TSPAN11: variants seen among roughly 807,000 people sequenced by gnomAD.
TSPAN11 encodes the protein tetraspanin-11.
TSPAN11 carries 29 observed loss-of-function variants against 32.9 expected under a neutral mutation model. The ratio of observed to expected loss-of-function variants is 0.88; its 90% CI spans 0.66 to 1.20. TSPAN11 has a LOEUF of 1.20. Ranked by LOEUF, TSPAN11 falls within the 50% of genes most tolerant of loss-of-function variation. The pLI is 0.00. For synonymous variants in TSPAN11, 140 were observed against 141.3 expected, an observed-to-expected ratio of 0.99 and a Z score of 0.07; for missense variants, 283 against 329.1, an observed-to-expected ratio of 0.86 and a Z score of 1.08.
chr12:30,971,482 A>G (rs186818664), intron 3 of TSPAN11, among the ~76,000 whole-genome samples: 151 of 152,302 alleles, frequency 9.9e-4, no homozygotes, highest in African/African-American at 3.4e-3. Flanking sequence ...GCTCATGCCT[A>G]TAATCCCAGC....
At chr12:30,977,882 G>A (rs1939008007) in intron 3 of TSPAN11, among the ~76,000 whole-genome samples, 1 of 152,156 alleles carries the variant, frequency 6.6e-6, no homozygotes, top group Non-Finnish European at 1.5e-5. Context: ...ACAGGAAATG[G>A]GCATCAGGGC....
chr12:30,945,860 C>T (rs1938256023), intron 1 of TSPAN11, among the ~76,000 whole-genome samples: 1 of 152,166 alleles, frequency 6.6e-6, no homozygotes, highest in African/African-American at 2.4e-5. Flanking sequence ...CCCCCAGGGC[C>T]TGCTGGCTCC....
rs556211574 is a variant in TSPAN11, at chr12:30,929,757, A to C, written c.-12+2961A>C. On this transcript the variant is annotated intron_variant, in intron 1 of 7. Coordinates refer to ENST00000546076, the MANE Select transcript of TSPAN11 (RefSeq NM_001370302.1). ...AACCTGGCTATATTTACATGTGATGACCCTGATCTGTATTTACAGCAGCCA... is the reference window on the plus strand; with the variant it reads ...AACCTGGCTATATTTACATGTGATGCCCCTGATCTGTATTTACAGCAGCCA... 8.5e-5 allele frequency among the ~76,000 whole-genome samples: 13 copies of C among 152,268 alleles called. No homozygotes were observed. In the East Asian group the frequency reaches 2.5e-3, roughly 29 times the overall value.
chr12:30,967,676 GCACA>G (rs1938761626), intron 3 of TSPAN11, among the ~76,000 whole-genome samples: 2 of 106,272 alleles, frequency 1.9e-5, no homozygotes, highest in Non-Finnish European at 3.9e-5. Flanking sequence ...ACACATTCGT[GCACA>G]CACATGCATA....
At chr12:30,962,008 T>G (rs1006661241) in intron 2 of TSPAN11, among the ~76,000 whole-genome samples, 3 of 152,108 alleles carry the variant, frequency 2.0e-5, no homozygotes, top group Admixed American at 1.3e-4. Context: ...AGGATTTCAT[T>G]GAATCTAAGA....
At chr12:30,963,748 G>A (rs1403968320) in intron 2 of TSPAN11, 78 bp from the exon 3 acceptor site, 20 of 1,491,784 alleles carry the variant, frequency 1.3e-5, no homozygotes, top group Non-Finnish European at 1.5e-5. Flanking sequence ...GAAGTGCCTG[G>A]CACCCTGTGG....
intron 1 of TSPAN11, among the ~76,000 whole-genome samples, chr12:30,945,772 A>G (rs1565790486): frequency 6.6e-6 from 1 of 152,060 alleles, no homozygotes; most frequent in East Asian, 1.9e-4. Flanking sequence ...GCCAAAATCC[A>G]TCACCTCACC....
At chr12:30,964,136 C>G (rs767237146) in intron 3 of TSPAN11, 119 bp downstream of exon 3, 1 of 1,260,944 alleles carries the variant, frequency 7.9e-7, no homozygotes, top group Non-Finnish European at 1.1e-6. Flanking sequence ...TGGGAGTGCC[C>G]GAGAAGGGGT....
intron 3 of TSPAN11, among the ~76,000 whole-genome samples, chr12:30,964,775 G>A (rs1383727826): frequency 6.6e-6 from 1 of 152,186 alleles, no homozygotes; most frequent in Non-Finnish European, 1.5e-5. Flanking sequence ...AAATAACCAA[G>A]CAGTTTCACA....
intron 7 of TSPAN11, 73 bp from the exon 8 acceptor site, chr12:30,991,783 C>T: frequency 3.2e-6 from 5 of 1,548,580 alleles, no homozygotes; most frequent in East Asian, 2.2e-5. Flanking sequence ...CAGCACTGCT[C>T]CAGGGCCCTG....
At chr12:30,942,968 C>G (rs772311410) in intron 1 of TSPAN11, among the ~76,000 whole-genome samples, 6 of 152,168 alleles carry the variant, frequency 3.9e-5, no homozygotes, top group Non-Finnish European at 8.8e-5. Context: ...AAACCCCAGC[C>G]CAGCCTGTGC....
intron 1 of TSPAN11, among the ~76,000 whole-genome samples, chr12:30,943,664 T>C (rs1938211272): frequency 6.6e-6 from 1 of 152,338 alleles, no homozygotes; most frequent in East Asian, 1.9e-4. Context: ...CCAAGCTTGC[T>C]TGATTCTCAC....
At chr12:30,932,966 A>G (rs978463095) in intron 1 of TSPAN11, among the ~76,000 whole-genome samples, 3 of 152,174 alleles carry the variant, frequency 2.0e-5, no homozygotes, top group African/African-American at 7.2e-5. Context: ...CAGGTTGTAA[A>G]TGTCCTTAAG....
rs1939375500 is a variant in TSPAN11, at chr12:30,994,342, G to A, written c.*2427G>A. 1 of 152,254 alleles carries A rather than the reference G, an allele frequency of 6.6e-6. No homozygotes were observed. Among genetic ancestry groups the A allele is most frequent in the South Asian group, 2.1e-4 (1 of 4,832 alleles). The allele number at this position is 152,254 out of a possible 1,614,324, so 9.4% of individuals were successfully genotyped here. On this transcript the variant is annotated 3_prime_UTR_variant, in exon 8 of 8. Transcript: ENST00000546076. ...AGGCTGCTACAGCCTTGAGTTCCTTGGAGAGAGAGGACACGCCTGTGGAAT... is the reference window on the plus strand; with the variant it reads ...AGGCTGCTACAGCCTTGAGTTCCTTAGAGAGAGAGGACACGCCTGTGGAAT...
rs545679388 is a variant in TSPAN11 at position 30,979,579 on chromosome 12, T to G, written c.365T>G (p.Leu122Arg). 77 of 1,614,160 alleles carry G rather than the reference T, an allele frequency of 4.8e-5. No individual in the cohort carries two copies. The African/African-American group carries it at 8.7e-4, about 18-fold the overall frequency. ...TACCCTCCTCAGCTGAGTGATGAAC[T>G]GAAGCAGCACTTGAACCGGACTCTG... ...HVYYQRLSDELKQHLNRTLAE... is the reference protein window; with the variant it reads ...HVYYQRLSDERKQHLNRTLAE... The change falls in exon 5 of 8, where the codon CTG (leucine) becomes CGG (arginine). Residue 122 changes from leucine (L) to arginine (R), a missense_variant. Leu to Arg is a moderately radical substitution (Grantham distance 102). Transcript: ENST00000546076.
intron 7 of TSPAN11, among the ~76,000 whole-genome samples, chr12:30,983,911 A>G (rs1162827036): frequency 6.6e-6 from 1 of 152,128 alleles, no homozygotes; most frequent in East Asian, 1.9e-4. Flanking sequence ...TGTCCAGGGC[A>G]GTGACTGTGT....
At chr12:31,010,425 T>C in the TSPAN11 span, among the ~76,000 whole-genome samples, 2 of 152,242 alleles carry the variant, frequency 1.3e-5, no homozygotes, top group African/African-American at 4.8e-5. Flanking sequence ...GCACTTCCCA[T>C]ATGTGGAGTG....
In TSPAN11 at chr12:30,941,519, G is replaced by C. The variant is rs141691021; in HGVS notation, c.-11-12462G>C. Among the ~76,000 whole-genome samples, 726 of 152,366 alleles carry C rather than the reference G, an allele frequency of 4.8e-3. 12 individuals are homozygous for C. The highest frequency in any genetic ancestry group is 0.019 in the Admixed American group (284 of 15,308). The stretch of plus-strand genomic sequence containing the variant: ...GTAGTCACTCCAGTTTTATAGGTGA[G>C]AAGAACTGAGGCCCAAAGGCAAGGA... On this transcript the variant is annotated intron_variant, in intron 1 of 7. Transcript: ENST00000546076.
chr12:30,939,505 A>G (rs1480081702), intron 1 of TSPAN11, among the ~76,000 whole-genome samples: 15 of 152,204 alleles, frequency 9.9e-5, no homozygotes, highest in Non-Finnish European at 2.1e-4. Flanking sequence ...GCATTTGTTT[A>G]TGTAATGATC....
Sources: allele counts gnomAD v4.1 joint callset (sites outside exome capture counted in the v4.1 genomes callset), GRCh38; gene constraint gnomAD v4.1.1; transcripts MANE v1.5; gene names NCBI Gene and HGNC (gene_info 2026-07-23, HGNC 2026-07-21).